The following PAQR5 variants were observed in gnomAD, a reference collection of about 807,000 sequenced individuals.
PAQR5 encodes the protein progestin and adipoQ receptor family member 5, also known as membrane progestin receptor gamma.
Under a neutral mutation model 34.5 loss-of-function variants are expected in PAQR5, and 20 were observed. That is an observed-to-expected ratio of 0.58 (90% CI 0.41 to 0.84). The LOEUF is 0.84. Ranked by LOEUF, PAQR5 falls within the 40% of genes least tolerant of loss-of-function variation. The probability of loss-of-function intolerance (pLI) is 0.00; values close to 1 mark genes in which losing one functional copy is unlikely to be tolerated. For missense variants in PAQR5, 378 were observed against 412.7 expected, an observed-to-expected ratio of 0.92 and a Z score of 0.73; for synonymous variants, 131 against 155.6, an observed-to-expected ratio of 0.84 and a Z score of 1.18.
At chr15:69,349,642 T>TA (rs2054859778) in intron 2 of PAQR5, among the ~76,000 whole-genome samples, 2 of 150,008 alleles carry the variant, frequency 1.3e-5, no homozygotes, top group Admixed American at 1.3e-4. Flanking sequence ...TTATTTTTAT[T>TA]TTTTTTTTTA....
At chr15:69,367,494 A>G (rs911735107) in intron 3 of PAQR5, among the ~76,000 whole-genome samples, 9 of 152,160 alleles carry the variant, frequency 5.9e-5, no homozygotes, top group East Asian at 1.9e-4. Context: ...CTAAGTGGTC[A>G]GTGAGGGACT....
chr15:69,369,016 C>T (rs750636418), intron 3 of PAQR5, among the ~76,000 whole-genome samples: 1 of 152,214 alleles, frequency 6.6e-6, no homozygotes, highest in South Asian at 2.1e-4. Context: ...AAGAAATCCA[C>T]CCACCACGGC....
chr15:69,332,835 A>C (rs2054418083), intron 1 of PAQR5, among the ~76,000 whole-genome samples: 1 of 150,280 alleles, frequency 6.7e-6, no homozygotes, highest in Non-Finnish European at 1.5e-5. Context: ...TTGAGACATG[A>C]ATGTGTCCAT....
At chr15:69,324,895 T>C (rs988860168) in intron 1 of PAQR5, among the ~76,000 whole-genome samples, 1 of 125,898 alleles carries the variant, frequency 7.9e-6, no homozygotes, top group Non-Finnish European at 1.8e-5. Context: ...CCAAGTTTCA[T>C]TTCTTTTTTT....
chr15:69,322,769 A>AGAAGAAGAT (rs1566997979), intron 1 of PAQR5, among the ~76,000 whole-genome samples: 557 of 29,534 alleles, frequency 0.019, 13 homozygotes, highest in Non-Finnish European at 0.029. Flanking sequence ...AAGAAGAAGA[A>AGAAGAAGAT]GAGGGAGAAG....
chr15:69,345,971 A>G (rs906702592), intron 2 of PAQR5, among the ~76,000 whole-genome samples: 2 of 152,330 alleles, frequency 1.3e-5, no homozygotes, highest in East Asian at 3.9e-4. Context: ...GAAATCTTAT[A>G]TGGAACACAA....
At chr15:69,392,841 A>G (rs149779756) in intron 6 of PAQR5, among the ~76,000 whole-genome samples, 1 of 151,532 alleles carries the variant, frequency 6.6e-6, no homozygotes, top group Non-Finnish European at 1.5e-5. Flanking sequence ...GATGAGGACT[A>G]CAGAGAGGGT....
chr15:69,319,150 AATATATAC>A (rs2054023323), intron 1 of PAQR5, among the ~76,000 whole-genome samples: 2 of 96,780 alleles, frequency 2.1e-5, no homozygotes, highest in African/African-American at 9.2e-5. Context: ...TATATATATA[AATATATAC>A]ATATATATAT....
chr15:69,359,606 T>C (rs1226081641), intron 2 of PAQR5, among the ~76,000 whole-genome samples: 1 of 152,118 alleles, frequency 6.6e-6, no homozygotes, highest in East Asian at 1.9e-4. Flanking sequence ...AATCTATAGA[T>C]AACATAACTG....
In PAQR5 at chr15:69,405,155, A is replaced by G; in HGVS notation, c.*1333A>G. On this transcript the variant is annotated 3_prime_UTR_variant, in exon 9 of 9. Coordinates refer to ENST00000395407, the MANE Select transcript of PAQR5 (RefSeq NM_017705.4). The stretch of plus-strand genomic sequence containing the variant: ...AAGTTCAGTATTTCATGGTGTTTTC[A>G]GGGAACACAGAAATGCGGATGCAAA... 2.5e-6 allele frequency: 1 copy of G among 395,636 alleles called. No individual in the cohort carries two copies. The highest frequency in any genetic ancestry group is 3.6e-5 in the East Asian group (1 of 27,902). The allele number at this position is 395,636 out of a possible 1,614,324, so 24.5% of individuals were successfully genotyped here.
chr15:69,371,719 C>T (rs867216914), intron 3 of PAQR5, among the ~76,000 whole-genome samples: 4 of 151,920 alleles, frequency 2.6e-5, no homozygotes, highest in African/African-American at 7.3e-5. Flanking sequence ...ATTTTATGTG[C>T]GACTCCTTTG....
In PAQR5 at chr15:69,322,691, GGAAGAAGAAGAAGAAGAAGAAGAA is replaced by G. The variant is rs780711031; in HGVS notation, c.-276-14593_-276-14570del. 4.0e-3 allele frequency among the ~76,000 whole-genome samples: 103 copies of G among 25,464 alleles called. 10 individuals carry two copies. The highest frequency in any genetic ancestry group is 0.015 in the African/African-American group (100 of 6,642). The allele number at this position is 25,464 out of a possible 152,430, so 16.7% of individuals were successfully genotyped here. A position where few individuals can be genotyped will look rare whatever the true frequency, so the allele number is the denominator to read the frequency against. On this transcript the variant is annotated intron_variant, in intron 1 of 8. Coordinates refer to ENST00000395407, the MANE Select transcript of PAQR5 (RefSeq NM_017705.4). ...AAAAAAAAGAAGAAGAAGGAGAAGAGGAAGAAGAAGAAGAAGAAGAAGAAGAAGAAGAAGAAGAAGAAGAAGAAG... is the reference window on the plus strand; with the variant it reads ...AAAAAAAAGAAGAAGAAGGAGAAGAGGAAGAAGAAGAAGAAGAAGAAGAAG...
At position 69,403,976 on chromosome 15, in the gene PAQR5, G is replaced by C; in HGVS notation, c.*154G>C. ...TTCATGTCAAAAATGTTATTCAGCT[G>C]GGGAAATTTCTCTAAATGTACACTG... On this transcript the variant is annotated 3_prime_UTR_variant, in exon 9 of 9. Transcript: ENST00000395407. 3 of 795,350 alleles carry C rather than the reference G, an allele frequency of 3.8e-6. No homozygotes were observed. The South Asian group carries it at 5.6e-5, about 15-fold the overall frequency. The allele number at this position is 795,350 out of a possible 1,614,324, so 49.3% of individuals were successfully genotyped here.
intron 1 of PAQR5, among the ~76,000 whole-genome samples, chr15:69,301,278 G>A (rs2053599924): frequency 1.3e-5 from 2 of 151,938 alleles, no homozygotes; most frequent in Admixed American, 1.3e-4. Context: ...TGCTGGGATT[G>A]CAGGCGTGAG....
chr15:69,303,048 G>C (rs2053638920), intron 1 of PAQR5, among the ~76,000 whole-genome samples: 1 of 152,108 alleles, frequency 6.6e-6, no homozygotes, highest in Non-Finnish European at 1.5e-5. Context: ...GCTCTGTGAG[G>C]GCAAAGCCTT....
At chr15:69,388,209 G>A (rs1489176204) in intron 5 of PAQR5, among the ~76,000 whole-genome samples, 3 of 152,162 alleles carry the variant, frequency 2.0e-5, no homozygotes, top group South Asian at 2.1e-4. Context: ...GCTTCCAGGG[G>A]TTCCTCCCTC....
At chr15:69,344,576 T>G (rs1323171116) in intron 2 of PAQR5, among the ~76,000 whole-genome samples, 2 of 152,282 alleles carry the variant, frequency 1.3e-5, no homozygotes, top group Non-Finnish European at 2.9e-5. Flanking sequence ...CTATGTGAAG[T>G]ATTTGAAAGC....
intron 2 of PAQR5, among the ~76,000 whole-genome samples, chr15:69,338,553 T>C (rs2054564547): frequency 6.6e-6 from 1 of 152,190 alleles, no homozygotes; most frequent in Admixed American, 6.5e-5. Flanking sequence ...GTTCCACTCT[T>C]CTCACCTTGG....
At chr15:69,324,593 G>C (rs1026636949) in intron 1 of PAQR5, among the ~76,000 whole-genome samples, 4 of 152,272 alleles carry the variant, frequency 2.6e-5, no homozygotes, top group Admixed American at 2.6e-4. Flanking sequence ...AATTGGAGTG[G>C]CCAGCCTCTG....
Sources: allele counts gnomAD v4.1 joint callset (sites outside exome capture counted in the v4.1 genomes callset), GRCh38; gene constraint gnomAD v4.1.1; transcripts MANE v1.5; gene names NCBI Gene and HGNC (gene_info 2026-07-23, HGNC 2026-07-21).